MAP3K19: variants seen among roughly 807,000 people sequenced by gnomAD.
MAP3K19 encodes mitogen-activated protein kinase kinase kinase 19.
MAP3K19 carries 91 observed loss-of-function variants against 114.4 expected under a neutral mutation model. The ratio of observed to expected loss-of-function variants is 0.80; its 90% confidence interval spans 0.67 to 0.95. The LOEUF (loss-of-function observed/expected upper bound fraction) is 0.95. MAP3K19 is among the 40% of genes least tolerant of loss of function. The probability of loss-of-function intolerance (pLI) is 0.00; values close to 1 mark genes in which losing one functional copy is unlikely to be tolerated. For missense variants in MAP3K19, 1,471 were observed against 1,573.2 expected (o/e 0.94, Z 1.10); for synonymous variants, 518 against 530.5 (o/e 0.98, Z 0.32).
chr2:134,982,478 G>A (rs1212488420), intron 11 of MAP3K19, among the ~76,000 whole-genome samples: 1 of 151,626 alleles, frequency 6.6e-6, no homozygotes, highest in African/African-American at 2.4e-5. Context: ...AGCCTCCTGA[G>A]TAGCTGGGAT....
chr2:135,035,942 T>C lies in MAP3K19; in HGVS notation c.-284+4421A>G, dbSNP rs190840282. Among the ~76,000 whole-genome samples, 1,084 of 152,226 alleles carry C rather than the reference T, an allele frequency of 7.1e-3. 6 individuals are homozygous for C. Among genetic ancestry groups the C allele is most frequent in the Middle Eastern group, 0.041 (12 of 294 alleles). On this transcript the variant is annotated intron_variant, in intron 2 of 12. Coordinates refer to ENST00000392915, the MANE Select transcript of MAP3K19 (RefSeq NM_025052.5). ...CTCCGCCTCCAGGGTTCAAGCGATTTTCCTGCCTCAGCCTCCTGAGTAGCT... is the reference window on the plus strand; with the variant it reads ...CTCCGCCTCCAGGGTTCAAGCGATTCTCCTGCCTCAGCCTCCTGAGTAGCT...
chr2:134,990,626 G>A (rs111928841), intron 9 of MAP3K19, among the ~76,000 whole-genome samples: 33,591 of 151,570 alleles, frequency 0.22, 4,189 homozygotes, highest in Middle Eastern at 0.61. Flanking sequence ...ACAGGCACCC[G>A]CCACCATGCC....
intron 2 of MAP3K19, among the ~76,000 whole-genome samples, chr2:135,033,510 C>T (rs1688443869): frequency 1.8e-5 from 2 of 111,564 alleles, no homozygotes; most frequent in Non-Finnish European, 3.4e-5. Flanking sequence ...TCCTCACTTC[C>T]CAGTAGGGGC....
chr2:135,045,983 A>G (rs1251642881), intron 1 of MAP3K19, among the ~76,000 whole-genome samples: 1 of 151,238 alleles, frequency 6.6e-6, no homozygotes, highest in African/African-American at 2.5e-5. Context: ...GGAGTACAGC[A>G]GCTTGATCAT....
chr2:134,975,454 G>A (rs190216060), intron 12 of MAP3K19, among the ~76,000 whole-genome samples: 11 of 152,306 alleles, frequency 7.2e-5, no homozygotes, highest in Middle Eastern at 3.4e-3. Flanking sequence ...CGGCAGGGCT[G>A]CTGGGCCAGG....
intron 12 of MAP3K19, among the ~76,000 whole-genome samples, chr2:134,973,790 CAT>C (rs1345478295): frequency 5.3e-5 from 8 of 152,094 alleles, no homozygotes; most frequent in Admixed American, 5.2e-4. Context: ...TTTACACTTT[CAT>C]ATGTTTTCAT....
intron 12 of MAP3K19, among the ~76,000 whole-genome samples, chr2:134,965,996 C>A (rs1174757941): frequency 6.6e-6 from 1 of 151,630 alleles, no homozygotes; most frequent in East Asian, 2.1e-4. Context: ...TCTTGCTGGG[C>A]CTGGCTTATT....
chr2:134,967,408 C>T (rs1056806378), intron 12 of MAP3K19, among the ~76,000 whole-genome samples: 12 of 152,156 alleles, frequency 7.9e-5, no homozygotes, highest in East Asian at 3.8e-4. Context: ...AGAGGAAGGC[C>T]GCTGCATCCT....
intron 3 of MAP3K19, among the ~76,000 whole-genome samples, chr2:135,026,183 T>G (rs1167519802): frequency 6.6e-6 from 1 of 152,202 alleles, no homozygotes; most frequent in African/African-American, 2.4e-5. Context: ...TTCCCAACTT[T>G]GGACAAAAAT....
At chr2:135,020,682 T>A (rs879376331) in intron 5 of MAP3K19, among the ~76,000 whole-genome samples, 1 of 152,144 alleles carries the variant, frequency 6.6e-6, no homozygotes, top group Non-Finnish European at 1.5e-5. Context: ...TAGAAGGTGA[T>A]TGGATCATGG....
Position 135,002,253 on chromosome 2 carries a change from G to A in MAP3K19, c.236-2238C>T, listed in dbSNP as rs139323178. On this transcript the variant is annotated intron_variant, in intron 6 of 12. Transcript: ENST00000392915. ...AATATATTTTCTTTATAGAAGAGGTGAAAATGACATTCATAACCAGTCAGA... is the reference window on the plus strand; with the variant it reads ...AATATATTTTCTTTATAGAAGAGGTAAAAATGACATTCATAACCAGTCAGA... Among the ~76,000 whole-genome samples, 22 of 152,204 alleles carry A rather than the reference G, an allele frequency of 1.4e-4. No individual in the cohort carries two copies. The East Asian group carries it at 3.7e-3, about 25-fold the overall frequency.
intron 3 of MAP3K19, among the ~76,000 whole-genome samples, chr2:135,026,108 G>T (rs1688249089): frequency 6.6e-6 from 1 of 152,228 alleles, no homozygotes; most frequent in Admixed American, 6.5e-5. Flanking sequence ...ATAGGACTGA[G>T]AATTGGGGTT....
intron 5 of MAP3K19, among the ~76,000 whole-genome samples, chr2:135,008,356 C>T (rs957300183): frequency 2.0e-5 from 3 of 152,140 alleles, no homozygotes; most frequent in African/African-American, 4.8e-5. Context: ...CTTCTGACCT[C>T]GTGATCTGCC....
intron 5 of MAP3K19, among the ~76,000 whole-genome samples, chr2:135,017,744 A>G (rs184734057): frequency 4.6e-5 from 7 of 151,682 alleles, no homozygotes; most frequent in Admixed American, 1.3e-4. Flanking sequence ...TTTCTCTGGA[A>G]ATTAGGTTTT....
chr2:134,977,608 C>T (rs890580197), intron 12 of MAP3K19, among the ~76,000 whole-genome samples: 5 of 151,948 alleles, frequency 3.3e-5, no homozygotes, highest in Admixed American at 2.6e-4. Flanking sequence ...GTGATCCGCC[C>T]GCCTCGGCCT....
intron 8 of MAP3K19, among the ~76,000 whole-genome samples, chr2:134,996,173 G>T (rs1215654178): frequency 2.0e-5 from 3 of 151,934 alleles, no homozygotes; most frequent in African/African-American, 7.3e-5. Context: ...TGCCCAGGCT[G>T]GTCTCAAACT....
At chr2:134,996,616 C>T (rs942508468) in intron 8 of MAP3K19, among the ~76,000 whole-genome samples, 1 of 152,126 alleles carries the variant, frequency 6.6e-6, no homozygotes, top group Non-Finnish European at 1.5e-5. Flanking sequence ...TGAAGGATGG[C>T]ATAATGCTCC....
intron 6 of MAP3K19, among the ~76,000 whole-genome samples, chr2:135,004,560 C>T (rs551639296): frequency 6.6e-6 from 1 of 152,244 alleles, no homozygotes; most frequent in South Asian, 2.1e-4. Context: ...GAAATAGAAG[C>T]CAGAAGATTG....
At chr2:134,991,332 C>CAAAAG in intron 9 of MAP3K19, 1 of 577,976 alleles carries the variant, frequency 1.7e-6, no homozygotes, top group East Asian at 3.0e-5. Context: ...CAAAACAAAA[C>CAAAAG]AAAACAACCG....
Sources: gnomAD v4.1 joint callset for allele counts (sites outside exome capture counted in the v4.1 genomes callset) on GRCh38, gnomAD v4.1.1 for gene constraint, MANE v1.5 for transcripts, NCBI Gene and HGNC (gene_info 2026-07-23, HGNC 2026-07-21) for gene names.